Variants in LRBA observed in about 807,000 individuals in gnomAD.
LRBA encodes lipopolysaccharide-responsive and beige-like anchor protein.
LRBA carries 176 observed loss-of-function variants against 330.0 expected under a neutral mutation model. The ratio of observed to expected loss-of-function variants is 0.53; its 90% CI spans 0.47 to 0.60. The LOEUF is 0.60. LRBA is among the 20% of genes least tolerant of loss of function. LRBA has a pLI of 0.00. For synonymous variants in LRBA, 1,230 were observed against 1,193.0 expected, an observed-to-expected ratio of 1.03 and a Z score of -0.64; for missense variants, 3,259 against 3,444.8, an observed-to-expected ratio of 0.95 and a Z score of 1.35.
intron 37 of LRBA, among the ~76,000 whole-genome samples, chr4:150,607,723 G>A (rs1047592669): frequency 9.2e-5 from 14 of 151,600 alleles, no homozygotes; most frequent in East Asian, 5.8e-4. Context: ...CCAACATGGC[G>A]AAACCCTCTC....
intron 37 of LRBA, among the ~76,000 whole-genome samples, chr4:150,659,745 C>T (rs1347286770): frequency 1.6e-4 from 2 of 12,636 alleles, no homozygotes; most frequent in Admixed American, 1.7e-3. Flanking sequence ...CCCCCACGCC[C>T]GGCCAGCCGC....
chr4:150,478,731 T>G (rs895750359), intron 42 of LRBA, among the ~76,000 whole-genome samples: 1 of 152,210 alleles, frequency 6.6e-6, no homozygotes, highest in Non-Finnish European at 1.5e-5. Flanking sequence ...GTTCAAAGAA[T>G]AGCTGGTTAT....
intron 56 of LRBA, among the ~76,000 whole-genome samples, chr4:150,272,268 C>T (rs1374110474): frequency 1.3e-5 from 2 of 152,062 alleles, no homozygotes; most frequent in African/African-American, 4.8e-5. Flanking sequence ...ACAGGAATAG[C>T]GTCAACATCA....
intron 52 of LRBA, among the ~76,000 whole-genome samples, 155 bp from the exon 53 acceptor site, chr4:150,302,947 T>C (rs980972126): frequency 1.1e-4 from 16 of 152,226 alleles, no homozygotes; most frequent in Non-Finnish European, 2.4e-4. Context: ...CAGTTTTCTT[T>C]GCATGCTAAC....
intron 48 of LRBA, among the ~76,000 whole-genome samples, chr4:150,339,951 G>C (rs1481209332): frequency 6.6e-6 from 1 of 150,624 alleles, no homozygotes; most frequent in Non-Finnish European, 1.5e-5. Context: ...GAAGGACCCC[G>C]TCGGAGGTAA....
At chr4:150,278,213 T>G (rs1747059774) in intron 55 of LRBA, among the ~76,000 whole-genome samples, 1 of 152,220 alleles carries the variant, frequency 6.6e-6, no homozygotes, top group South Asian at 2.1e-4. Context: ...GAGATTGTTT[T>G]GGCTTTGCTT....
At chr4:150,737,656 T>C (rs1341922299) in intron 35 of LRBA, among the ~76,000 whole-genome samples, 1 of 152,152 alleles carries the variant, frequency 6.6e-6, no homozygotes, top group Non-Finnish European at 1.5e-5. Flanking sequence ...AGAGTATTTT[T>C]CTGAACTTTC....
intron 34 of LRBA, among the ~76,000 whole-genome samples, chr4:150,793,893 G>A (rs894994913): frequency 6.6e-6 from 1 of 152,160 alleles, no homozygotes; most frequent in African/African-American, 2.4e-5. Context: ...AGAAATAGCT[G>A]TTACCTTCAT....
chr4:150,919,189 G>A (rs1732970814), intron 5 of LRBA, among the ~76,000 whole-genome samples: 1 of 152,160 alleles, frequency 6.6e-6, no homozygotes, highest in Non-Finnish European at 1.5e-5. Context: ...TAATATGAAT[G>A]GTCCAGAATA....
intron 47 of LRBA, among the ~76,000 whole-genome samples, chr4:150,360,473 T>C (rs923342416): frequency 6.6e-6 from 1 of 152,188 alleles, no homozygotes; most frequent in Non-Finnish European, 1.5e-5. Flanking sequence ...ACAGCACATG[T>C]TGATCACACT....
At chr4:150,398,760 G>C (rs554058912) in intron 47 of LRBA, among the ~76,000 whole-genome samples, 1 of 152,072 alleles carries the variant, frequency 6.6e-6, no homozygotes, top group South Asian at 2.1e-4. Flanking sequence ...CCATGTAGAT[G>C]GAACTACCGG....
intron 40 of LRBA, among the ~76,000 whole-genome samples, chr4:150,577,523 A>G (rs1476217872): frequency 2.0e-5 from 3 of 152,054 alleles, no homozygotes; most frequent in Non-Finnish European, 2.9e-5. Flanking sequence ...TTAGAGGATA[A>G]GACTATATAC....
chr4:150,579,787 C>A (rs963191478), intron 40 of LRBA: 8 of 452,680 alleles, frequency 1.8e-5, no homozygotes, highest in South Asian at 3.1e-5. Flanking sequence ...TGCGAACCAA[C>A]TCCGCCACCC....
intron 17 of LRBA, among the ~76,000 whole-genome samples, chr4:150,877,257 C>CA (rs796849728): frequency 4.0e-3 from 324 of 81,696 alleles, no homozygotes; most frequent in South Asian, 9.9e-3. Context: ...GACTCCGTAT[C>CA]AAAAAAAAAA....
chr4:150,409,455 G>T (rs139528720), intron 47 of LRBA, among the ~76,000 whole-genome samples: 1 of 152,042 alleles, frequency 6.6e-6, no homozygotes, highest in Admixed American at 6.6e-5. Flanking sequence ...GCTCTATAAT[G>T]GATGAGGTTT....
chr4:150,363,661 T>C (rs1489270794), intron 47 of LRBA, among the ~76,000 whole-genome samples: 1 of 152,236 alleles, frequency 6.6e-6, no homozygotes. Flanking sequence ...GCTTAATCTA[T>C]TTCTCTAATT....
chr4:150,315,471 C>T, intron 51 of LRBA, 90 bp downstream of exon 51: 1 of 1,076,882 alleles, frequency 9.3e-7, no homozygotes, highest in Non-Finnish European at 1.4e-6. Flanking sequence ...CCATTCCCAG[C>T]AACCAGCAAG....
intron 41 of LRBA, among the ~76,000 whole-genome samples, chr4:150,489,792 C>T (rs1758674906): frequency 7.2e-6 from 1 of 138,752 alleles, no homozygotes; most frequent in African/African-American, 2.6e-5. Flanking sequence ...GTGTATGTAT[C>T]CTTTAGATAA....
intron 48 of LRBA, among the ~76,000 whole-genome samples, chr4:150,343,903 C>T (rs1030224172): frequency 6.6e-6 from 1 of 152,168 alleles, no homozygotes; most frequent in African/African-American, 2.4e-5. Flanking sequence ...ATCTTGTTGC[C>T]TTTCCACCTC....
Sources: gnomAD v4.1 joint callset for allele counts (sites outside exome capture counted in the v4.1 genomes callset) on GRCh38, gnomAD v4.1.1 for gene constraint, MANE v1.5 for transcripts, NCBI Gene and HGNC (gene_info 2026-07-23, HGNC 2026-07-21) for gene names.